Variants in RPS6KA5 observed in about 807,000 individuals in gnomAD.
The protein encoded by RPS6KA5 is ribosomal protein S6 kinase A5.
RPS6KA5 carries 27 observed loss-of-function variants against 85.5 expected under a neutral mutation model. The observed-to-expected ratio is 0.32, with a 90% CI of 0.23 to 0.44. The LOEUF (loss-of-function observed/expected upper bound fraction) is 0.44. Ranked by LOEUF, RPS6KA5 falls within the 20% of genes least tolerant of loss-of-function variation. The pLI, the probability that RPS6KA5 is intolerant of heterozygous loss-of-function variation, is 1.00. For missense variants in RPS6KA5, 811 were observed against 980.9 expected (o/e 0.83, Z 2.31); for synonymous variants, 334 against 348.2 (o/e 0.96, Z 0.46).
chr14:90,913,557 A>T (rs1360046902), intron 7 of RPS6KA5, among the ~76,000 whole-genome samples: 1 of 152,216 alleles, frequency 6.6e-6, no homozygotes, highest in Non-Finnish European at 1.5e-5. Flanking sequence ...TGGTGGAGCT[A>T]CTAGACTGGC....
In RPS6KA5 at chr14:90,894,439, C is replaced by T. The variant is rs1445389914; in HGVS notation, c.1618G>A (p.Val540Met). The T allele has an allele frequency of 6.2e-7, 1 of 1,614,156 alleles. No homozygotes were observed. The highest frequency in any genetic ancestry group is 1.3e-5 in the African/African-American group (1 of 75,044). The change falls in exon 13 of 17, where the codon GTG becomes ATG. Residue 540 changes from valine (V) to methionine (M), a missense_variant. Physicochemically the swap from Val to Met is conservative, Grantham distance 21 (BLOSUM62 1). Coordinates refer to ENST00000614987, the MANE Select transcript of RPS6KA5 (RefSeq NM_004755.4). ...TCAGGTTTCAGATCCCTGTGCACCACTCCAACATCATGCATGTGGCTTACA... is the reference window on the plus strand; with the variant it reads ...TCAGGTTTCAGATCCCTGTGCACCATTCCAACATCATGCATGTGGCTTACA... ...SAVSHMHDVG[V>M]VHRDLKPENL...
chr14:90,857,357 A>G lies in RPS6KA5; in HGVS notation c.*14717T>C, dbSNP rs976348405. ...ATTTTTTGGTATCACGAAGCATTTA[A>G]TAAGTGCTTAGTTGCATCTGAAATG... On this transcript the variant is annotated 3_prime_UTR_variant, in exon 17 of 17. Transcript: ENST00000614987. 3.3e-5 allele frequency: 5 copies of G among 152,358 alleles called. No homozygotes were observed. Among genetic ancestry groups the G allele is most frequent in the African/African-American group, 9.6e-5 (4 of 41,588 alleles). 9.4% of individuals were successfully genotyped at this position (152,358 alleles called of 1,614,324 possible).
intron 2 of RPS6KA5, among the ~76,000 whole-genome samples, chr14:90,992,520 C>T (rs1379505825): frequency 6.6e-6 from 1 of 152,136 alleles, no homozygotes; most frequent in African/African-American, 2.4e-5. Context: ...CAAGGTTTGA[C>T]TATATAAATT....
At chr14:90,942,965 C>T (rs2037654046) in intron 5 of RPS6KA5, 113 bp downstream of exon 5, 4 of 701,326 alleles carry the variant, frequency 5.7e-6, no homozygotes, top group Non-Finnish European at 1.0e-5. Context: ...GACAAATCTG[C>T]ACAAAAGTTC....
chr14:91,018,297 T>A (rs2041591949), intron 1 of RPS6KA5, among the ~76,000 whole-genome samples: 1 of 152,248 alleles, frequency 6.6e-6, no homozygotes, highest in African/African-American at 2.4e-5. Context: ...TATGTACTAA[T>A]CAAGTCTTTG....
At chr14:90,889,477 T>A (rs1225430740) in intron 14 of RPS6KA5, among the ~76,000 whole-genome samples, 1 of 152,114 alleles carries the variant, frequency 6.6e-6, no homozygotes. Flanking sequence ...GAGAACATAA[T>A]CTGATAAATC....
intron 2 of RPS6KA5, among the ~76,000 whole-genome samples, chr14:90,994,541 T>C (rs924069882): frequency 8.6e-5 from 13 of 151,556 alleles, no homozygotes; most frequent in African/African-American, 3.1e-4. Flanking sequence ...TCATAGTGCT[T>C]TGCTTCTTGG....
In RPS6KA5 at chr14:90,868,915, G is replaced by C. The variant is rs561245660; in HGVS notation, c.*3159C>G. The stretch of plus-strand genomic sequence containing the variant: ...CAACAGTAATCTAAAAAAATTAAAA[G>C]GCAGTTTTCTTGGGTAATGAACCTG... On this transcript the variant is annotated 3_prime_UTR_variant, in exon 17 of 17. Transcript: ENST00000614987. 1 of 152,162 alleles carries C rather than the reference G, an allele frequency of 6.6e-6. No individual in the cohort carries two copies. The highest frequency in any genetic ancestry group is 1.9e-4 in the East Asian group (1 of 5,188). The allele number at this position is 152,162 out of a possible 1,614,324, so 9.4% of individuals were successfully genotyped here.
chr14:90,878,235 ATGAG>A (rs1417559891), intron 14 of RPS6KA5, among the ~76,000 whole-genome samples: 2 of 152,174 alleles, frequency 1.3e-5, no homozygotes, highest in East Asian at 1.9e-4. Flanking sequence ...TATTTCCTGA[ATGAG>A]TAAGAACCCT....
chr14:90,937,091 G>A (rs2037299830), intron 5 of RPS6KA5, among the ~76,000 whole-genome samples: 1 of 152,060 alleles, frequency 6.6e-6, no homozygotes, highest in South Asian at 2.1e-4. Flanking sequence ...TCAGGTAGAA[G>A]AGGAAGAGCC....
chr14:91,057,304 C>A (rs987651622), intron 1 of RPS6KA5, among the ~76,000 whole-genome samples: 7 of 152,160 alleles, frequency 4.6e-5, no homozygotes, highest in African/African-American at 1.4e-4. Context: ...CACTTATCAA[C>A]CACCTAACAT....
chr14:90,952,803 T>C (rs561774115), intron 3 of RPS6KA5, among the ~76,000 whole-genome samples: 1 of 152,336 alleles, frequency 6.6e-6, no homozygotes, highest in South Asian at 2.1e-4. Flanking sequence ...GAAGATAATT[T>C]ATCCTTGGAC....
chr14:90,918,614 C>T (rs2036243937), intron 7 of RPS6KA5, among the ~76,000 whole-genome samples: 1 of 152,144 alleles, frequency 6.6e-6, no homozygotes, highest in Non-Finnish European at 1.5e-5. Context: ...AACGGTCTTC[C>T]TTTATGTTTC....
At chr14:90,925,015 A>T (rs892101199) in intron 5 of RPS6KA5, among the ~76,000 whole-genome samples, 1 of 152,202 alleles carries the variant, frequency 6.6e-6, no homozygotes, top group Non-Finnish European at 1.5e-5. Flanking sequence ...AATGCTGGCA[A>T]ATCTCCACAC....
chr14:90,919,979 A>G (rs1439696530), intron 7 of RPS6KA5, among the ~76,000 whole-genome samples: 1 of 152,214 alleles, frequency 6.6e-6, no homozygotes, highest in Non-Finnish European at 1.5e-5. Flanking sequence ...TCATGACACT[A>G]TAGATCATAA....
chr14:91,022,947 T>C (rs760282989), intron 1 of RPS6KA5, among the ~76,000 whole-genome samples: 1 of 151,944 alleles, frequency 6.6e-6, no homozygotes, highest in Non-Finnish European at 1.5e-5. Flanking sequence ...TAGCTGGGCA[T>C]GGTGGCGCAC....
chr14:91,060,550 G>A lies in RPS6KA5; in HGVS notation c.-116C>T. On this transcript the variant is annotated 5_prime_UTR_variant, in exon 1 of 17. Transcript: ENST00000614987. ...CAGGAGTCGGGGTGCGGCGGCTCCA[G>A]AACTCGGACGCAAAGACGAGTCTCT... 1.7e-6 allele frequency: 2 copies of A among 1,191,468 alleles called. No homozygotes were observed. The highest frequency in any genetic ancestry group is 2.1e-6 in the Non-Finnish European group (2 of 947,342). 73.8% of individuals were successfully genotyped at this position (1,191,468 alleles called of 1,614,324 possible). A position where few individuals can be genotyped will look rare whatever the true frequency, so the allele number is the denominator to read the frequency against.
Position 90,863,278 on chromosome 14 carries a change from G to C in RPS6KA5, c.*8796C>G, listed in dbSNP as rs1478344941. 1 of 135,680 alleles carries C rather than the reference G, an allele frequency of 7.4e-6. No homozygotes were observed. Among genetic ancestry groups the C allele is most frequent in the African/African-American group, 2.9e-5 (1 of 34,536 alleles). The allele number at this position is 135,680 out of a possible 1,614,324, so 8.4% of individuals were successfully genotyped here. ...AGATTGAGCCACTGCACTCCAGCCT[G>C]GGTGGCAGAGCGAGACTCCGTCTCA... On this transcript the variant is annotated 3_prime_UTR_variant, in exon 17 of 17. Transcript: ENST00000614987.
rs187162472 is a variant in RPS6KA5, at chr14:90,856,333, T to A, written c.*15741A>T. 3 of 152,788 alleles carry A rather than the reference T, an allele frequency of 2.0e-5. No homozygotes were observed. Among genetic ancestry groups the A allele is most frequent in the South Asian group, 2.1e-4 (1 of 4,814 alleles). The allele number at this position is 152,788 out of a possible 1,614,324, so 9.5% of individuals were successfully genotyped here. A position where few individuals can be genotyped will look rare whatever the true frequency, so the allele number is the denominator to read the frequency against. On this transcript the variant is annotated 3_prime_UTR_variant, in exon 17 of 17. Transcript: ENST00000614987. Reference sequence around the variant, plus strand: ...GGTGTTAGTACTGACTTCCTCAAACTAGCTACAGCCTTTCTAGCTATGCGT... The same window carrying A: ...GGTGTTAGTACTGACTTCCTCAAACAAGCTACAGCCTTTCTAGCTATGCGT...
Sources: gnomAD v4.1 joint callset for allele counts (sites outside exome capture counted in the v4.1 genomes callset) on GRCh38, gnomAD v4.1.1 for gene constraint, MANE v1.5 for transcripts, NCBI Gene and HGNC (gene_info 2026-07-23, HGNC 2026-07-21) for gene names.